The following PTPRT variants were observed in gnomAD, a reference collection of about 807,000 sequenced individuals.
PTPRT encodes the protein protein tyrosine phosphatase receptor type T.
In PTPRT, 56 loss-of-function variants were observed where a neutral mutation model predicts 176.8. The observed-to-expected ratio is 0.32, with a 90% CI of 0.26 to 0.40. PTPRT has a LOEUF of 0.40. Among genes scored for constraint, PTPRT ranks in the 10% least tolerant of loss-of-function variants. The pLI is 1.00. For missense variants in PTPRT, 1,540 were observed against 1,908.2 expected, an observed-to-expected ratio of 0.81 and a Z score of 3.60; for synonymous variants, 783 against 739.0, an observed-to-expected ratio of 1.06 and a Z score of -0.96.
Position 42,091,482 on chromosome 20 carries a change from C to T in PTPRT, c.3847-5629G>A, listed in dbSNP as rs528856260. 2.6e-5 allele frequency among the ~76,000 whole-genome samples: 4 copies of T among 152,170 alleles called. No homozygotes were observed. In the East Asian group the frequency reaches 7.7e-4, roughly 29 times the overall value. On this transcript the variant is annotated intron_variant, in intron 27 of 30. Coordinates refer to ENST00000373187, the MANE Select transcript of PTPRT (RefSeq NM_007050.6). ...TTATGCCTTTCTTTTATTAAAAATACTTTGATAAAATGGAAAGGCCAAGTA... is the reference window on the plus strand; with the variant it reads ...TTATGCCTTTCTTTTATTAAAAATATTTTGATAAAATGGAAAGGCCAAGTA...
chr20:42,562,042 C>T lies in PTPRT; in HGVS notation c.1154-89480G>A, dbSNP rs183211697. 4.2e-5 allele frequency among the ~76,000 whole-genome samples: 6 copies of T among 141,370 alleles called. 1 individual carries two copies. The South Asian group carries it at 7.0e-4, about 17-fold the overall frequency. 92.7% of individuals were successfully genotyped at this position (141,370 alleles called of 152,430 possible). A position where few individuals can be genotyped will look rare whatever the true frequency, so the allele number is the denominator to read the frequency against. On this transcript the variant is annotated intron_variant, in intron 7 of 30. Coordinates refer to ENST00000373187, the MANE Select transcript of PTPRT (RefSeq NM_007050.6). ...AAAACATTAACTCAGAGCCAGTCAC[C>T]TCACCTTCTGGGTTTCAGTTGCTTC...
chr20:42,487,448 C>T (rs2071482004), intron 7 of PTPRT, among the ~76,000 whole-genome samples: 2 of 152,130 alleles, frequency 1.3e-5, no homozygotes, highest in African/African-American at 4.8e-5. Context: ...CATCCTAATA[C>T]CCAGAACCTG....
At chr20:42,430,092 A>T (rs193204476) in intron 9 of PTPRT, among the ~76,000 whole-genome samples, 1 of 152,318 alleles carries the variant, frequency 6.6e-6, no homozygotes, top group Admixed American at 6.5e-5. Flanking sequence ...TAGCAAAATG[A>T]TTTTGGTCTC....
chr20:42,430,631 G>C (rs961861037), intron 9 of PTPRT, among the ~76,000 whole-genome samples: 4 of 152,180 alleles, frequency 2.6e-5, no homozygotes, highest in Non-Finnish European at 5.9e-5. Flanking sequence ...TCAATTCAGA[G>C]TTCCCATGGG....
intron 6 of PTPRT, among the ~76,000 whole-genome samples, chr20:42,691,659 C>T (rs1008414377): frequency 9.2e-5 from 14 of 152,134 alleles, no homozygotes; most frequent in Admixed American, 7.9e-4. Context: ...CTGCCTCTGC[C>T]CCTGCCGTAT....
intron 1 of PTPRT, among the ~76,000 whole-genome samples, chr20:43,087,363 CTTTTTTTTTT>C (rs1207811758): frequency 2.0e-5 from 1 of 50,370 alleles, no homozygotes; most frequent in African/African-American, 4.6e-5. Context: ...ACTGTCCGTC[CTTTTTTTTTT>C]TTTTTTTTTT....
chr20:42,848,760 A>G (rs559168539), intron 2 of PTPRT, among the ~76,000 whole-genome samples: 1 of 151,846 alleles, frequency 6.6e-6, no homozygotes, highest in Non-Finnish European at 1.5e-5. Flanking sequence ...CATTTTGTGG[A>G]CTGTCTGTTT....
At chr20:42,891,103 T>A (rs1335679156) in intron 1 of PTPRT, among the ~76,000 whole-genome samples, 3 of 152,234 alleles carry the variant, frequency 2.0e-5, no homozygotes, top group African/African-American at 7.2e-5. Context: ...TGGCTATGTC[T>A]TTATCAGCAG....
At chr20:42,838,648 G>A (rs2078223021) in intron 2 of PTPRT, among the ~76,000 whole-genome samples, 1 of 152,212 alleles carries the variant, frequency 6.6e-6, no homozygotes, top group South Asian at 2.1e-4. Context: ...AGGATCAGAA[G>A]GGTTGGGATA....
intron 7 of PTPRT, among the ~76,000 whole-genome samples, chr20:42,622,772 T>C (rs1004469979): frequency 3.3e-5 from 5 of 152,154 alleles, no homozygotes; most frequent in Non-Finnish European, 5.9e-5. Flanking sequence ...GCATGGATCT[T>C]ACAGAACATG....
chr20:42,667,862 G>A (rs569585727), intron 7 of PTPRT, among the ~76,000 whole-genome samples: 1 of 152,172 alleles, frequency 6.6e-6, no homozygotes, highest in Non-Finnish European at 1.5e-5. Flanking sequence ...TGAAGGGCAC[G>A]CAGGGGAGAG....
At chr20:42,432,777 C>T (rs528598838) in intron 9 of PTPRT, among the ~76,000 whole-genome samples, 1 of 152,268 alleles carries the variant, frequency 6.6e-6, no homozygotes, top group African/African-American at 2.4e-5. Flanking sequence ...ATCTCTGAAT[C>T]CACCTATAAC....
chr20:42,151,525 A>C (rs1386808158), intron 17 of PTPRT, among the ~76,000 whole-genome samples: 1 of 152,026 alleles, frequency 6.6e-6, no homozygotes, highest in Non-Finnish European at 1.5e-5. Context: ...TATGTGCCAC[A>C]TTTTCTTTAT....
intron 5 of PTPRT, among the ~76,000 whole-genome samples, chr20:42,756,897 A>T (rs190950219): frequency 3.9e-5 from 6 of 152,048 alleles, no homozygotes; most frequent in South Asian, 2.1e-4. Flanking sequence ...AAGAAATTTT[A>T]AAAAATAGCC....
At position 42,603,074 on chromosome 20, in the gene PTPRT, G is replaced by A. The variant is rs957966744; in HGVS notation, c.1153+74792C>T. 3.9e-5 allele frequency among the ~76,000 whole-genome samples: 6 copies of A among 152,194 alleles called. No individual in the cohort carries two copies. In the East Asian group the frequency reaches 1.2e-3, roughly 29 times the overall value. On this transcript the variant is annotated intron_variant, in intron 7 of 30. Coordinates refer to ENST00000373187, the MANE Select transcript of PTPRT (RefSeq NM_007050.6). ...CTTTAATGAGCACCAACCACATACC[G>A]TGCATTGCCTGGGGTCCTGGGAAGG...
intron 20 of PTPRT, among the ~76,000 whole-genome samples, chr20:42,119,057 A>G (rs1260299506): frequency 1.3e-5 from 2 of 151,458 alleles, no homozygotes; most frequent in Non-Finnish European, 2.9e-5. Context: ...GGAGCAGAAA[A>G]TAGGCTCTGA....
At position 42,993,287 on chromosome 20, in the gene PTPRT, G is replaced by A. The variant is rs185288328; in HGVS notation, c.89-107355C>T. Among the ~76,000 whole-genome samples the A allele has an allele frequency of 7.1e-3, 1,067 of 150,408 alleles. 10 individuals are homozygous for A. The highest frequency in any genetic ancestry group is 0.017 in the African/African-American group (682 of 40,466). On this transcript the variant is annotated intron_variant, in intron 1 of 30. Transcript: ENST00000373187. ...CAAAAAATTAGCCGGGCGTGGTGGC[G>A]GGTGCATGTAGTCCTAGCTACTTGG... is the stretch of plus-strand genomic sequence containing the variant.
intron 12 of PTPRT, among the ~76,000 whole-genome samples, chr20:42,292,847 A>G (rs1318338754): frequency 2.0e-5 from 3 of 152,224 alleles, no homozygotes; most frequent in African/African-American, 4.8e-5. Context: ...GTAATGTGGT[A>G]GCCTCCTCCT....
At chr20:43,033,868 G>A (rs1382283060) in intron 1 of PTPRT, among the ~76,000 whole-genome samples, 2 of 152,160 alleles carry the variant, frequency 1.3e-5, no homozygotes, top group African/African-American at 4.8e-5. Context: ...AGCTGGAATT[G>A]AAACCCCGGA....
Sources: allele counts gnomAD v4.1 joint callset (sites outside exome capture counted in the v4.1 genomes callset), GRCh38; gene constraint gnomAD v4.1.1; transcripts MANE v1.5; gene names NCBI Gene and HGNC (gene_info 2026-07-23, HGNC 2026-07-21).